MMRN1: variants seen among roughly 807,000 people sequenced by gnomAD.
MMRN1 encodes the protein multimerin-1.
Under a neutral mutation model 100.7 loss-of-function variants are expected in MMRN1, and 94 were observed. The ratio of observed to expected loss-of-function variants is 0.93; its 90% CI spans 0.79 to 1.11. The LOEUF (loss-of-function observed/expected upper bound fraction) is 1.11. Ranked by LOEUF, MMRN1 falls within the 50% of genes least tolerant of loss-of-function variation. The pLI is 0.00. For missense variants in MMRN1, 1,606 were observed against 1,439.1 expected (o/e 1.12, Z -1.88); for synonymous variants, 575 against 505.0 (o/e 1.14, Z -1.86).
Position 89,895,603 on chromosome 4 carries a change from T to C in MMRN1, c.623+9T>C. 1 of 1,608,350 alleles carries C rather than the reference T, an allele frequency of 6.2e-7. No homozygotes were observed. Among genetic ancestry groups the C allele is most frequent in the Non-Finnish European group, 8.5e-7 (1 of 1,176,884 alleles). ...GAAACAACTAGAGGAAAGTAAGAAA[T>C]CTTCTTTTCTTTTTGTTCTTTCTCT... On this transcript the variant is annotated intron_variant, in intron 1 of 7. Transcript: ENST00000264790.
At chr4:89,915,522 C>T (rs547167643) in intron 3 of MMRN1, among the ~76,000 whole-genome samples, 22 of 151,490 alleles carry the variant, frequency 1.5e-4, no homozygotes, top group Admixed American at 1.4e-3. Context: ...TACTGAGTTG[C>T]CATTAATGAC....
At chr4:89,941,063 G>A (rs1722806451) in intron 6 of MMRN1, among the ~76,000 whole-genome samples, 1 of 152,116 alleles carries the variant, frequency 6.6e-6, no homozygotes, top group African/African-American at 2.4e-5. Context: ...TTCTCCAAGC[G>A]ATTTTCTACT....
chr4:89,920,070 C>T (rs1321667584), intron 3 of MMRN1, among the ~76,000 whole-genome samples: 1 of 152,140 alleles, frequency 6.6e-6, no homozygotes, highest in Non-Finnish European at 1.5e-5. Flanking sequence ...CCATTCATCA[C>T]ATATCCTACA....
At chr4:89,932,751 G>A (rs926645907) in intron 5 of MMRN1, among the ~76,000 whole-genome samples, 3 of 152,098 alleles carry the variant, frequency 2.0e-5, no homozygotes, top group African/African-American at 7.2e-5. Flanking sequence ...ACAGCACAAA[G>A]CAGCAAGGCC....
intron 6 of MMRN1, among the ~76,000 whole-genome samples, chr4:89,942,748 A>G (rs1722873061): frequency 6.6e-6 from 1 of 152,190 alleles, no homozygotes; most frequent in East Asian, 1.9e-4. Flanking sequence ...AAATCAAATT[A>G]CCAGTAAAAT....
intron 6 of MMRN1, 109 bp from the exon 7 acceptor site, chr4:89,951,496 C>G: frequency 8.4e-7 from 1 of 1,194,856 alleles, no homozygotes; most frequent in Non-Finnish European, 1.1e-6. Flanking sequence ...GCCCATTTTT[C>G]TTACTTAAAA....
At chr4:89,892,898 T>A (rs1353260495), upstream of MMRN1, among the ~76,000 whole-genome samples, 1 of 152,046 alleles carries the variant, frequency 6.6e-6, no homozygotes, top group African/African-American at 2.4e-5. Context: ...TGAATGTCAT[T>A]ATTTTGGCAG....
In MMRN1 at chr4:89,936,542, A is replaced by G; in HGVS notation, c.2862A>G (p.Pro954=). Residue 954 remains proline (P), a synonymous_variant, in exon 6 of 8, where the codon CCA becomes CCG. Transcript: ENST00000264790. The part of the protein sequence containing the change: ...TIPKWIKHSL[P]DIQLLQKGLT... ...CTAAGTGGATAAAACATTCCCTGCC[A>G]GATATTCAACTTCTTCAGAAAGGTC... 6.2e-7 allele frequency: 1 copy of G among 1,613,056 alleles called. No homozygotes were observed. The highest frequency in any genetic ancestry group is 8.5e-7 in the Non-Finnish European group (1 of 1,179,576).
intron 5 of MMRN1, among the ~76,000 whole-genome samples, chr4:89,929,474 TC>T (rs778231649): frequency 3.9e-5 from 6 of 151,954 alleles, no homozygotes; most frequent in South Asian, 2.1e-4. Flanking sequence ...GAAACATTTT[TC>T]CCCCCTGAAG....
chr4:89,907,220 C>T (rs568557198), intron 1 of MMRN1, among the ~76,000 whole-genome samples: 1 of 151,360 alleles, frequency 6.6e-6, no homozygotes, highest in South Asian at 2.1e-4. Flanking sequence ...CTTTGTTTTA[C>T]ATTATTTTTG....
rs772138087 is a variant in MMRN1 at position 89,909,265 on chromosome 4, A to G, written c.624-11A>G. The stretch of plus-strand genomic sequence containing the variant: ...AACAGTTTTTTCCCTAACAATTATG[A>G]TCTTCTTTAGGAATTGGTGTGCTTA... On this transcript the variant is annotated splice_polypyrimidine_tract_variant and intron_variant, in intron 1 of 7. Transcript: ENST00000264790. The G allele has an allele frequency of 3.2e-6, 5 of 1,572,460 alleles. No homozygotes were observed. The highest frequency in any genetic ancestry group is 4.3e-6 in the Non-Finnish European group (5 of 1,160,996).
chr4:89,934,808 A>C lies in MMRN1; in HGVS notation c.1130-2A>C. 3.5e-6 allele frequency: 5 copies of C among 1,416,908 alleles called. No homozygotes were observed. Among genetic ancestry groups the C allele is most frequent in the Non-Finnish European group, 4.7e-6 (5 of 1,060,542 alleles). The allele number at this position is 1,416,908 out of a possible 1,614,324, so 87.8% of individuals were successfully genotyped here. ...TGTATTATTAATTATTTCTTTCTCTAGGTCTAAAATCCAAAAGCATTAATG... is the reference window on the plus strand; with the variant it reads ...TGTATTATTAATTATTTCTTTCTCTCGGTCTAAAATCCAAAAGCATTAATG... On this transcript the variant is annotated splice_acceptor_variant, in intron 5 of 7. Coordinates refer to ENST00000264790, the MANE Select transcript of MMRN1 (RefSeq NM_007351.3). LOFTEE classifies it high-confidence loss of function.
At position 89,909,349 on chromosome 4, in the gene MMRN1, G is replaced by A. The variant is rs779907690; in HGVS notation, c.697G>A (p.Gly233Ser). 13 of 1,610,060 alleles carry A rather than the reference G, an allele frequency of 8.1e-6. No individual in the cohort carries two copies. In the Admixed American group the frequency reaches 1.3e-4, roughly 17 times the overall value. The change falls in exon 2 of 8, where the codon GGT (glycine) becomes AGT (serine). Residue 233 changes from glycine (G) to serine (S), a missense_variant. Coordinates refer to ENST00000264790, the MANE Select transcript of MMRN1 (RefSeq NM_007351.3). ...ILDNQVTYVPGGKGPCGWTGG... is the reference protein window; with the variant it reads ...ILDNQVTYVPSGKGPCGWTGG... ...GGACAACCAGGTCACTTATGTCCCA[G>A]GTGGGAAAGGACCTTGTGGCTGGAC...
rs766812619 is a variant in MMRN1, at chr4:89,927,975, A to T, written c.1129+7A>T. 1 of 1,536,808 alleles carries T rather than the reference A, an allele frequency of 6.5e-7. No homozygotes were observed. The highest frequency in any genetic ancestry group is 1.2e-5 in the South Asian group (1 of 81,000). ...TTTCAATCTCTTCTAAAAGGTAAAA[A>T]TGAAATAAAATAAAATATTCATTCA... On this transcript the variant is annotated splice_region_variant and intron_variant, in intron 5 of 7. Transcript: ENST00000264790.
At chr4:89,909,755 G>T (rs1397536584) in intron 2 of MMRN1, among the ~76,000 whole-genome samples, 1 of 151,324 alleles carries the variant, frequency 6.6e-6, no homozygotes, top group Non-Finnish European at 1.5e-5. Context: ...CAGTTTTGAA[G>T]ATTTATTATT....
intron 6 of MMRN1, among the ~76,000 whole-genome samples, chr4:89,948,979 G>T (rs1560600563): frequency 6.6e-6 from 1 of 152,064 alleles, no homozygotes; most frequent in East Asian, 1.9e-4. Flanking sequence ...TACTCCAGAT[G>T]AATGACCCTA....
chr4:89,922,472 T>C (rs1319962549), intron 3 of MMRN1, among the ~76,000 whole-genome samples: 1 of 152,160 alleles, frequency 6.6e-6, no homozygotes, highest in East Asian at 1.9e-4. Flanking sequence ...TATATTGCCA[T>C]TTAAAATATT....
chr4:89,918,549 T>C (rs1578481993), intron 3 of MMRN1, among the ~76,000 whole-genome samples: 2 of 151,876 alleles, frequency 1.3e-5, no homozygotes, highest in African/African-American at 4.8e-5. Context: ...TTTCCATCTT[T>C]CTCTCTCCCT....
intron 5 of MMRN1, among the ~76,000 whole-genome samples, chr4:89,928,467 A>G (rs1204083610): frequency 6.6e-6 from 1 of 152,160 alleles, no homozygotes; most frequent in Non-Finnish European, 1.5e-5. Flanking sequence ...TTAAAGAATA[A>G]TAATTTATAT....
Sources: gnomAD v4.1 joint callset for allele counts (sites outside exome capture counted in the v4.1 genomes callset) on GRCh38, gnomAD v4.1.1 for gene constraint, MANE v1.5 for transcripts, NCBI Gene and HGNC (gene_info 2026-07-23, HGNC 2026-07-21) for gene names.